The following KCTD8 variants were observed in gnomAD, a reference collection of about 807,000 sequenced individuals.
KCTD8 encodes BTB/POZ domain-containing protein KCTD8.
KCTD8 carries 27 observed loss-of-function variants against 31.5 expected under a neutral mutation model. The ratio of observed to expected loss-of-function variants is 0.86; its 90% CI spans 0.63 to 1.18. The LOEUF is 1.18. Ranked by LOEUF, KCTD8 falls within the 50% of genes most tolerant of loss-of-function variation. The probability of loss-of-function intolerance (pLI) is 0.00; values close to 1 mark genes in which losing one functional copy is unlikely to be tolerated. For synonymous variants in KCTD8, 290 were observed against 280.0 expected (o/e 1.04, Z -0.36); for missense variants, 658 against 647.7 (o/e 1.02, Z -0.17).
At chr4:44,411,150 A>G (rs906043082) in intron 1 of KCTD8, among the ~76,000 whole-genome samples, 27 of 152,234 alleles carry the variant, frequency 1.8e-4, no homozygotes, top group Admixed American at 1.2e-3. Context: ...TATGCTTGAA[A>G]CAAACTTAGA....
chr4:44,303,316 C>A (rs1717689100), intron 1 of KCTD8, among the ~76,000 whole-genome samples: 1 of 151,970 alleles, frequency 6.6e-6, no homozygotes, highest in Admixed American at 6.5e-5. Context: ...CCTTGTACCT[C>A]TGGTAGAATT....
intron 1 of KCTD8, among the ~76,000 whole-genome samples, chr4:44,330,345 G>A (rs1718564617): frequency 6.6e-6 from 1 of 151,814 alleles, no homozygotes; most frequent in Non-Finnish European, 1.5e-5. Flanking sequence ...TCACTAGATA[G>A]TACTAATGTT....
At chr4:44,304,006 A>C (rs1717722877) in intron 1 of KCTD8, among the ~76,000 whole-genome samples, 1 of 152,168 alleles carries the variant, frequency 6.6e-6, no homozygotes, top group African/African-American at 2.4e-5. Flanking sequence ...ACACTGATGA[A>C]AATTTCACAT....
intron 1 of KCTD8, among the ~76,000 whole-genome samples, chr4:44,244,716 A>C (rs1258200504): frequency 6.6e-6 from 1 of 152,100 alleles, no homozygotes; most frequent in Non-Finnish European, 1.5e-5. Context: ...CATACCCAGG[A>C]GGAAAAGATG....
At chr4:44,347,522 C>T (rs1179706732) in intron 1 of KCTD8, among the ~76,000 whole-genome samples, 1 of 152,128 alleles carries the variant, frequency 6.6e-6, no homozygotes, top group Non-Finnish European at 1.5e-5. Flanking sequence ...ATGAAGAAAT[C>T]CCTCGGTTTG....
chr4:44,175,730 A>C (rs1033779071), intron 1 of KCTD8, among the ~76,000 whole-genome samples: 4 of 152,194 alleles, frequency 2.6e-5, no homozygotes, highest in African/African-American at 9.7e-5. Flanking sequence ...ACAAAGCTGC[A>C]GTATTCTCCA....
intron 1 of KCTD8, among the ~76,000 whole-genome samples, chr4:44,178,473 T>C (rs1256616903): frequency 6.6e-6 from 1 of 152,080 alleles, no homozygotes; most frequent in Admixed American, 6.6e-5. Flanking sequence ...TAAATAAATG[T>C]TGTTTTTTTT....
chr4:44,245,517 A>T (rs1435643553), intron 1 of KCTD8, among the ~76,000 whole-genome samples: 6 of 152,122 alleles, frequency 3.9e-5, no homozygotes, highest in Admixed American at 2.6e-4. Context: ...TATAGTAAGC[A>T]TTAATGGTGT....
intron 1 of KCTD8, among the ~76,000 whole-genome samples, chr4:44,309,366 T>C (rs746214168): frequency 7.2e-5 from 11 of 152,100 alleles, no homozygotes; most frequent in Non-Finnish European, 1.2e-4. Context: ...AATCTAATAA[T>C]TAAAAGCAGG....
intron 1 of KCTD8, among the ~76,000 whole-genome samples, chr4:44,181,701 G>T (rs1713412660): frequency 1.3e-5 from 2 of 152,078 alleles, no homozygotes; most frequent in African/African-American, 4.8e-5. Flanking sequence ...TCTCTGCCTG[G>T]CCGCCCATTG....
chr4:44,390,669 C>T (rs567774239), intron 1 of KCTD8, among the ~76,000 whole-genome samples: 5 of 151,516 alleles, frequency 3.3e-5, no homozygotes, highest in Admixed American at 6.6e-5. Context: ...TCTAGTTCTG[C>T]GAAGCATAAC....
chr4:44,267,692 T>TA lies in KCTD8; in HGVS notation c.962-92443dup, dbSNP rs1385628209. 4.0e-5 allele frequency among the ~76,000 whole-genome samples: 6 copies of TA among 151,896 alleles called. No homozygotes were observed. The East Asian group carries it at 9.7e-4, about 24-fold the overall frequency. ...AGAGAGAAGAATCAAATAGATGCAA[T>TA]AAAAAATGATAAAGGGGATATCACC... On this transcript the variant is annotated intron_variant, in intron 1 of 1. Coordinates refer to ENST00000360029, the MANE Select transcript of KCTD8 (RefSeq NM_198353.3).
intron 1 of KCTD8, among the ~76,000 whole-genome samples, chr4:44,278,803 C>G (rs1390043044): frequency 6.6e-6 from 1 of 152,030 alleles, no homozygotes; most frequent in Non-Finnish European, 1.5e-5. Flanking sequence ...GAGTTGAACT[C>G]CCAGTCTCCA....
At chr4:44,375,302 T>C (rs938805915) in intron 1 of KCTD8, among the ~76,000 whole-genome samples, 1 of 152,010 alleles carries the variant, frequency 6.6e-6, no homozygotes, top group Non-Finnish European at 1.5e-5. Flanking sequence ...GATAAAGTGC[T>C]AGGAAATTCT....
intron 1 of KCTD8, among the ~76,000 whole-genome samples, chr4:44,256,186 C>T (rs1236724203): frequency 1.3e-5 from 2 of 151,854 alleles, no homozygotes; most frequent in Admixed American, 6.6e-5. Context: ...GTCCCTCCCA[C>T]GACGTGAGAA....
At chr4:44,269,057 A>T (rs939005000) in intron 1 of KCTD8, among the ~76,000 whole-genome samples, 9 of 152,128 alleles carry the variant, frequency 5.9e-5, no homozygotes, top group Non-Finnish European at 1.3e-4. Flanking sequence ...GTTCATATGG[A>T]ACCAAAAAAG....
intron 1 of KCTD8, among the ~76,000 whole-genome samples, chr4:44,223,714 A>T (rs967255732): frequency 6.6e-6 from 1 of 152,158 alleles, no homozygotes. Context: ...ACTTCTAAAC[A>T]TGTGTCAAAT....
intron 1 of KCTD8, among the ~76,000 whole-genome samples, chr4:44,440,880 T>C (rs1721794801): frequency 6.6e-6 from 1 of 152,166 alleles, no homozygotes; most frequent in Admixed American, 6.5e-5. Flanking sequence ...CACTTAGCAT[T>C]ACATGACTAT....
chr4:44,394,947 A>C (rs1304264359), intron 1 of KCTD8, among the ~76,000 whole-genome samples: 1 of 152,124 alleles, frequency 6.6e-6, no homozygotes, highest in Non-Finnish European at 1.5e-5. Context: ...CTTTTCCTTC[A>C]TGATGGTCCT....
Sources: allele counts gnomAD v4.1 joint callset (sites outside exome capture counted in the v4.1 genomes callset), GRCh38; gene constraint gnomAD v4.1.1; transcripts MANE v1.5; gene names NCBI Gene and HGNC (gene_info 2026-07-23, HGNC 2026-07-21).